Variants in DNAH7 observed in about 807,000 individuals in gnomAD.
DNAH7 encodes the protein dynein axonemal heavy chain 7.
DNAH7 carries 397 observed loss-of-function variants against 444.6 expected under a neutral mutation model. That is an observed-to-expected ratio of 0.89 (90% CI 0.82 to 0.97). The LOEUF (loss-of-function observed/expected upper bound fraction) is 0.97. Among genes scored for constraint, DNAH7 ranks in the 50% least tolerant of loss-of-function variants. DNAH7 has a pLI of 0.00. For missense variants in DNAH7, 4,902 were observed against 4,800.8 expected (o/e 1.02, Z -0.62); for synonymous variants, 1,636 against 1,624.4 (o/e 1.01, Z -0.17).
intron 12 of DNAH7, chr2:195,995,451 A>T: frequency 2.6e-6 from 1 of 391,852 alleles, no homozygotes; most frequent in Non-Finnish European, 5.0e-6. Context: ...TGGACTTCAT[A>T]GAGCAGCTCT....
At chr2:195,913,157 CAAT>C (rs1230770865) in intron 24 of DNAH7, among the ~76,000 whole-genome samples, 4 of 151,798 alleles carry the variant, frequency 2.6e-5, no homozygotes, top group Non-Finnish European at 5.9e-5. Context: ...CTGGTTTACT[CAAT>C]AAACTACTTA....
intron 54 of DNAH7, among the ~76,000 whole-genome samples, chr2:195,801,504 GA>G (rs1370338556): frequency 6.6e-6 from 1 of 152,102 alleles, no homozygotes; most frequent in African/African-American, 2.4e-5. Context: ...GTAATGGAAA[GA>G]TTTTTTGAAG....
intron 25 of DNAH7, among the ~76,000 whole-genome samples, chr2:195,908,002 C>T (rs1161293310): frequency 2.0e-5 from 3 of 151,582 alleles, no homozygotes; most frequent in Non-Finnish European, 4.4e-5. Flanking sequence ...AATTTTCTAC[C>T]CCCATTATTC....
intron 10 of DNAH7, among the ~76,000 whole-genome samples, chr2:196,004,204 G>A (rs762861588): frequency 5.9e-5 from 9 of 152,148 alleles, no homozygotes; most frequent in Admixed American, 1.3e-4. Context: ...AAGACTCATC[G>A]AGCAGTGGTT....
Position 196,048,305 on chromosome 2 carries a change from G to A in DNAH7, c.241C>T (p.Gln81Ter). 1 of 1,612,252 alleles carries A rather than the reference G, an allele frequency of 6.2e-7. No individual in the cohort carries two copies. Among genetic ancestry groups the A allele is most frequent in the Admixed American group, 1.7e-5 (1 of 59,968 alleles). Reference protein sequence around the residue: ...SPEPFSVKNEQSHAEYMERFG... With the variant: ...SPEPFSVKNE ...ATATTGAAGTTCTTACCATGGGACTGTTCATTTTTAACACTAAATGGTTCT... is the reference window on the plus strand; with the variant it reads ...ATATTGAAGTTCTTACCATGGGACTATTCATTTTTAACACTAAATGGTTCT... The change falls in exon 4 of 65, where the codon CAG becomes TAG. Residue 81 changes from glutamine (Q) to a stop codon, truncating the protein, a stop_gained. Transcript: ENST00000312428. LOFTEE classifies it high-confidence loss of function.
At chr2:195,897,590 G>A in intron 29 of DNAH7, 77 bp downstream of exon 29, 1 of 770,456 alleles carries the variant, frequency 1.3e-6, no homozygotes, top group South Asian at 1.9e-5. Flanking sequence ...TCCATAGTGG[G>A]AGCTTCACAA....
At chr2:196,029,421 G>A (rs1695896755) in intron 5 of DNAH7, among the ~76,000 whole-genome samples, 1 of 152,002 alleles carries the variant, frequency 6.6e-6, no homozygotes, top group Admixed American at 6.5e-5. Context: ...TTGTAGGAAT[G>A]GCTGTAGAAG....
At chr2:195,747,899 G>A (rs1190130684) in intron 63 of DNAH7, among the ~76,000 whole-genome samples, 1 of 152,150 alleles carries the variant, frequency 6.6e-6, no homozygotes, top group African/African-American at 2.4e-5. Context: ...GGCAAAAACT[G>A]GAAGATTCCC....
At chr2:196,004,782 T>TCACACACA (rs58787682) in intron 10 of DNAH7, among the ~76,000 whole-genome samples, 1 of 146,198 alleles carries the variant, frequency 6.8e-6, no homozygotes, top group Non-Finnish European at 1.5e-5. Context: ...AGGGTCTGTC[T>TCACACACA]CACACACACA....
intron 2 of DNAH7, among the ~76,000 whole-genome samples, chr2:196,057,365 CA>C (rs1443691923): frequency 6.6e-6 from 1 of 152,008 alleles, no homozygotes; most frequent in Non-Finnish European, 1.5e-5. Context: ...TTTAACACGC[CA>C]AAAAAGCTAA....
At chr2:195,955,925 A>T (rs1690617678) in intron 19 of DNAH7, among the ~76,000 whole-genome samples, 1 of 152,168 alleles carries the variant, frequency 6.6e-6, no homozygotes, top group African/African-American at 2.4e-5. Flanking sequence ...ATTAGAGATG[A>T]TTGTGTTACA....
chr2:195,891,554 T>C (rs1702011345), intron 31 of DNAH7, 101 bp downstream of exon 31: 1 of 1,063,642 alleles, frequency 9.4e-7, no homozygotes. Context: ...AATATCTTAA[T>C]CTATAGATAC....
intron 29 of DNAH7, among the ~76,000 whole-genome samples, chr2:195,895,908 C>T (rs1257360477): frequency 1.3e-5 from 2 of 151,268 alleles, no homozygotes; most frequent in African/African-American, 4.9e-5. Flanking sequence ...TTTTTTTTGC[C>T]GAGTAATATT....
intron 21 of DNAH7, among the ~76,000 whole-genome samples, chr2:195,931,781 C>T (rs140506561): frequency 0.017 from 2,575 of 152,206 alleles, 79 homozygotes; most frequent in African/African-American, 0.058. Context: ...CATTGGTCTA[C>T]ATCTCTGTTT....
chr2:196,065,947 C>A (rs1050517357), intron 1 of DNAH7, among the ~76,000 whole-genome samples: 7 of 152,222 alleles, frequency 4.6e-5, no homozygotes, highest in Non-Finnish European at 1.0e-4. Context: ...ACCTTACCAA[C>A]ACCTCTACAA....
intron 8 of DNAH7, among the ~76,000 whole-genome samples, chr2:196,020,324 C>T (rs967722089): frequency 5.3e-5 from 8 of 152,024 alleles, no homozygotes; most frequent in Non-Finnish European, 4.4e-5. Flanking sequence ...CCCTTACCCC[C>T]GTGTTAAAGA....
chr2:195,864,561 A>C lies in DNAH7; in HGVS notation c.7094T>G (p.Val2365Gly). The C allele has an allele frequency of 3.7e-6, 6 of 1,614,156 alleles. No homozygotes were observed. Among genetic ancestry groups the C allele is most frequent in the Non-Finnish European group, 5.1e-6 (6 of 1,180,022 alleles). ...AGTATCATACCCCTTAGAGATTTCAACTTGGAAAACTGAATAATCAGCCAT... is the reference window on the plus strand; with the variant it reads ...AGTATCATACCCCTTAGAGATTTCACCTTGGAAAACTGAATAATCAGCCAT... ...AHMADYSVFQVEISKGYDTTE... is the reference protein window; with the variant it reads ...AHMADYSVFQGEISKGYDTTE... Residue 2365 changes from valine (V) to glycine (G), a missense_variant, in exon 41 of 65, where the codon GTT becomes GGT. Transcript: ENST00000312428.
chr2:195,737,938 A>G lies in DNAH7; in HGVS notation c.12058T>C (p.Cys4020Arg), dbSNP rs768167255. Residue 4020 changes from cysteine to arginine, a missense_variant, in exon 65 of 65, where the codon TGT (cysteine) becomes CGT (arginine). Physicochemically the swap from Cys to Arg is radical, Grantham distance 180. Coordinates refer to ENST00000312428, the MANE Select transcript of DNAH7 (RefSeq NM_018897.3). ...TCTTCTGGTTATGAATTAAGTTGAC[A>G]TAACAGTGCTACACCTCGTCCAATC... ...HWIGRGVALL[C>R]QLNS 3.1e-6 allele frequency: 5 copies of G among 1,613,920 alleles called. No individual in the cohort carries two copies. In the African/African-American group the frequency reaches 4.0e-5, roughly 13 times the overall value.
At chr2:195,935,873 G>A (rs538656444) in intron 20 of DNAH7, among the ~76,000 whole-genome samples, 1 of 152,232 alleles carries the variant, frequency 6.6e-6, no homozygotes, top group African/African-American at 2.4e-5. Context: ...CACTGAGAAA[G>A]GAGGCTGCCC....
Sources: gnomAD v4.1 joint callset for allele counts (sites outside exome capture counted in the v4.1 genomes callset) on GRCh38, gnomAD v4.1.1 for gene constraint, MANE v1.5 for transcripts, NCBI Gene and HGNC (gene_info 2026-07-23, HGNC 2026-07-21) for gene names.